PCDHA1: variants seen among roughly 807,000 people sequenced by gnomAD.
PCDHA1 encodes the protein protocadherin alpha-1.
PCDHA1 carries 42 observed loss-of-function variants against 61.3 expected under a neutral mutation model. The observed-to-expected ratio is 0.69, with a 90% CI of 0.54 to 0.89. PCDHA1 has a LOEUF of 0.89. PCDHA1 is among the 40% of genes least tolerant of loss of function. The pLI is 0.00. For missense variants in PCDHA1, 1,256 were observed against 1,235.3 expected (o/e 1.02, Z -0.25); for synonymous variants, 610 against 553.8 (o/e 1.10, Z -1.43).
At chr5:140,992,643 A>C (rs1215653539) in intron 3 of PCDHA1, among the ~76,000 whole-genome samples, 1 of 152,148 alleles carries the variant, frequency 6.6e-6, no homozygotes. Context: ...CCTGGAAAAT[A>C]GAAGAAAGAG....
intron 3 of PCDHA1, among the ~76,000 whole-genome samples, chr5:141,002,749 A>G (rs2098093412): frequency 1.3e-5 from 2 of 152,202 alleles, no homozygotes; most frequent in South Asian, 4.1e-4. Flanking sequence ...TACATCGACA[A>G]CCCTGTGATG....
At chr5:140,920,609 G>C (rs1319890021) in intron 1 of PCDHA1, among the ~76,000 whole-genome samples, 1 of 152,160 alleles carries the variant, frequency 6.6e-6, no homozygotes. Flanking sequence ...ACTTTGGGAG[G>C]CCGAGGCGGA....
At chr5:140,827,000 T>C (rs2150146007) in intron 1 of PCDHA1, among the ~76,000 whole-genome samples, 9 of 152,112 alleles carry the variant, frequency 5.9e-5, no homozygotes, top group African/African-American at 2.2e-4. Flanking sequence ...ACATGGGAAA[T>C]GCTCATGTCA....
At chr5:140,866,951 G>C (rs1207354253) in intron 1 of PCDHA1, 1 of 152,106 alleles carries the variant, frequency 6.6e-6, no homozygotes, top group African/African-American at 2.4e-5. Flanking sequence ...CTAGGGGCTG[G>C]TTGAGATGGT....
chr5:140,797,107 G>T, intron 1 of PCDHA1: 1 of 1,614,036 alleles, frequency 6.2e-7, no homozygotes, highest in Non-Finnish European at 8.5e-7. Flanking sequence ...GGTGCTCACG[G>T]TGCTGCTGTA....
At chr5:140,825,944 G>T (rs2150141904) in intron 1 of PCDHA1, 2 of 152,286 alleles carry the variant, frequency 1.3e-5, no homozygotes, top group Non-Finnish European at 2.9e-5. Context: ...GAAATAATGA[G>T]AACCATTTGT....
At chr5:140,838,074 TATAGTGTG>T (rs1468306192) in intron 1 of PCDHA1, among the ~76,000 whole-genome samples, 3 of 120,528 alleles carry the variant, frequency 2.5e-5, no homozygotes, top group Non-Finnish European at 3.4e-5. Context: ...GTTATATATA[TATAGTGTG>T]TGTGTGTGTG....
chr5:140,790,537 C>G (rs1402917528), intron 1 of PCDHA1, among the ~76,000 whole-genome samples: 3 of 152,142 alleles, frequency 2.0e-5, no homozygotes, highest in African/African-American at 7.2e-5. Flanking sequence ...TCGTACTCAG[C>G]CTTTTGGCAA....
At chr5:140,858,485 T>G (rs2045446148) in intron 1 of PCDHA1, 1 of 1,503,010 alleles carries the variant, frequency 6.7e-7, no homozygotes, top group Non-Finnish European at 9.1e-7. Flanking sequence ...GAATAATATT[T>G]TCTCTTACCG....
At chr5:140,985,180 G>A (rs782679962) in intron 3 of PCDHA1, among the ~76,000 whole-genome samples, 1 of 152,028 alleles carries the variant, frequency 6.6e-6, no homozygotes, top group Non-Finnish European at 1.5e-5. Flanking sequence ...CTCGTAATCC[G>A]CCTGCCTCGG....
In PCDHA1 at chr5:140,990,740, G is replaced by C. The variant is rs76434886; in HGVS notation, c.2542+8177G>C. Among the ~76,000 whole-genome samples the C allele has an allele frequency of 8.5e-3, 1,294 of 152,288 alleles. 21 individuals carry two copies. Among genetic ancestry groups the C allele is most frequent in the African/African-American group, 0.029 (1,222 of 41,552 alleles). ...ATCACTAGGTATATCAACAGCCCTA[G>C]GGTGGATACCTTTGAGCCTGTAAAT... On this transcript the variant is annotated intron_variant, in intron 3 of 3. Coordinates refer to ENST00000504120, the MANE Select transcript of PCDHA1 (RefSeq NM_018900.4).
At chr5:140,796,057 C>G in intron 1 of PCDHA1, 2 of 1,614,220 alleles carry the variant, frequency 1.2e-6, no homozygotes, top group Non-Finnish European at 1.7e-6. Flanking sequence ...GAACGCTTCC[C>G]TGGGCACTGT....
At chr5:140,838,173 G>C (rs1033489567) in intron 1 of PCDHA1, among the ~76,000 whole-genome samples, 2 of 149,160 alleles carry the variant, frequency 1.3e-5, no homozygotes, top group Non-Finnish European at 3.0e-5. Flanking sequence ...GAGTGCAGTG[G>C]TGCAATCTCA....
intron 1 of PCDHA1, among the ~76,000 whole-genome samples, chr5:140,895,004 T>C (rs535461448): frequency 6.6e-6 from 1 of 152,316 alleles, no homozygotes; most frequent in East Asian, 1.9e-4. Flanking sequence ...CCCTTTTTAC[T>C]TGGACCTTTT....
chr5:140,877,515 G>T (rs371100299), intron 1 of PCDHA1: 1 of 1,613,678 alleles, frequency 6.2e-7, no homozygotes, highest in African/African-American at 1.3e-5. Flanking sequence ...CGTCGTCGCG[G>T]GCCTCAGTGG....
At chr5:140,967,373 A>C in intron 1 of PCDHA1, 1 of 1,607,416 alleles carries the variant, frequency 6.2e-7, no homozygotes, top group Non-Finnish European at 8.5e-7. Flanking sequence ...CCTGCAGGAG[A>C]ACAGTAAAGT....
rs73263815 is a variant in PCDHA1, at chr5:140,853,554, A to T, written c.2394+64870A>T. ...TCTTTTCAAGTTGTAATTACTATAT[A>T]GGAAAAACTAAGTTGTCACCCAATA... On this transcript the variant is annotated intron_variant, in intron 1 of 3. Transcript: ENST00000504120. 9,092 of 979,494 alleles carry T rather than the reference A, an allele frequency of 9.3e-3. 1,045 individuals carry two copies. In the African/African-American group the frequency reaches 0.15, roughly 16 times the overall value. The allele number at this position is 979,494 out of a possible 1,614,324, so 60.7% of individuals were successfully genotyped here.
chr5:140,867,619 C>T (rs1554161426), intron 1 of PCDHA1: 3 of 152,174 alleles, frequency 2.0e-5, no homozygotes, highest in South Asian at 4.1e-4. Flanking sequence ...AACTATAGAA[C>T]AAAATATTTA....
intron 1 of PCDHA1, chr5:140,795,539 T>G: frequency 6.2e-7 from 1 of 1,614,150 alleles, no homozygotes; most frequent in Non-Finnish European, 8.5e-7. Flanking sequence ...AGCGAATCTT[T>G]GTCTCTCGTG....
Sources: gnomAD v4.1 joint callset for allele counts (sites outside exome capture counted in the v4.1 genomes callset) on GRCh38, gnomAD v4.1.1 for gene constraint, MANE v1.5 for transcripts, NCBI Gene and HGNC (gene_info 2026-07-23, HGNC 2026-07-21) for gene names.